ACTR8: variants seen among roughly 807,000 people sequenced by gnomAD.
ACTR8 encodes actin related protein 8.
Under a neutral mutation model 84.3 loss-of-function variants are expected in ACTR8, and 70 were observed. The observed-to-expected ratio is 0.83, with a 90% CI of 0.68 to 1.01. ACTR8 has a LOEUF of 1.01. ACTR8 is among the 50% of genes least tolerant of loss of function. ACTR8 has a pLI of 0.00. For missense variants in ACTR8, 672 were observed against 775.4 expected (o/e 0.87, Z 1.58); for synonymous variants, 268 against 275.2 (o/e 0.97, Z 0.26).
downstream of ACTR8, chr3:53,864,835 C>G (rs143902339): frequency 1.9e-6 from 3 of 1,614,002 alleles, no homozygotes; most frequent in Non-Finnish European, 2.5e-6. Flanking sequence ...ATGTTTCCAT[C>G]ACACAATTTG....
chr3:53,872,571 A>G, intron 9 of ACTR8, 47 bp from the exon 10 acceptor site: 1 of 1,507,604 alleles, frequency 6.6e-7, no homozygotes, highest in Non-Finnish European at 8.8e-7. Context: ...CTGCATCCTG[A>G]AAAAAACTGA....
intron 7 of ACTR8, among the ~76,000 whole-genome samples, chr3:53,874,890 TGTTTGCAAAATG>T: frequency 6.6e-6 from 1 of 152,216 alleles, no homozygotes; most frequent in Non-Finnish European, 1.5e-5. Context: ...GTAGTCATGA[TGTTTGCAAAATG>T]TATCTGAGAA....
downstream of ACTR8, among the ~76,000 whole-genome samples, chr3:53,865,988 T>C (rs1699768322): frequency 6.6e-6 from 1 of 152,268 alleles, no homozygotes; most frequent in Non-Finnish European, 1.5e-5. Flanking sequence ...GTCAGAGTTC[T>C]CAGTTTCTTA....
chr3:53,861,858 A>G, the ACTR8 span, among the ~76,000 whole-genome samples: 1 of 152,180 alleles, frequency 6.6e-6, no homozygotes, highest in Non-Finnish European at 1.5e-5. Context: ...AAAATGCTAC[A>G]AAGGACATTG....
At chr3:53,872,236 C>T in intron 10 of ACTR8, 148 bp downstream of exon 10, 2 of 945,738 alleles carry the variant, frequency 2.1e-6, no homozygotes, top group Admixed American at 3.0e-5. Flanking sequence ...AGATTTTAAA[C>T]TCAGACTTCA....
chr3:53,876,775 T>C lies in ACTR8; in HGVS notation c.685-62A>G, dbSNP rs914596655. On this transcript the variant is annotated intron_variant, in intron 5 of 12. Transcript: ENST00000335754. Reference sequence around the variant, plus strand: ...AAGTCTAGTCAGGTCAAATTCACACTCCTTTTTAGAGAGACTTCCCTCCAA... The same window carrying C: ...AAGTCTAGTCAGGTCAAATTCACACCCCTTTTTAGAGAGACTTCCCTCCAA... 9.5e-6 allele frequency: 8 copies of C among 846,016 alleles called. No homozygotes were observed. The Middle Eastern group carries it at 9.2e-4, about 97-fold the overall frequency. 52.4% of individuals were successfully genotyped at this position (846,016 alleles called of 1,614,324 possible). A position where few individuals can be genotyped will look rare whatever the true frequency, so the allele number is the denominator to read the frequency against.
In ACTR8 at chr3:53,868,720, C is replaced by T; in HGVS notation, c.1874G>A (p.Ter625=). Residue 625 remains the stop codon, a stop_retained_variant, in exon 13 of 13, where the codon TGA becomes TAA. Coordinates refer to ENST00000335754, the MANE Select transcript of ACTR8 (RefSeq NM_022899.5). ...MLRERAAFVW[*] is the part of the protein sequence containing the mutation. ...TCGGCAGTGACATTTCCTCCCCATT[C>T]ACCACACAAACGCAGCCCGCTCTCG... is the stretch of plus-strand genomic sequence containing the variant. The T allele has an allele frequency of 1.2e-6, 2 of 1,613,790 alleles. No individual in the cohort carries two copies. Among genetic ancestry groups the T allele is most frequent in the Non-Finnish European group, 1.7e-6 (2 of 1,179,870 alleles).
Position 53,873,091 on chromosome 3 carries a change from G to C in ACTR8, c.1102C>G (p.Arg368Gly), listed in dbSNP as rs762405003. ...AGCAGGGCAGGAGAATCAGGATGTC[G>C]AATCTGAAACTCATGGTCCTGAAGC... ...SGLQDHEFQI[R>G]HPDSPALLYQ... Residue 368 changes from arginine to glycine, a missense_variant, in exon 9 of 13, where the codon CGA becomes GGA. Coordinates refer to ENST00000335754, the MANE Select transcript of ACTR8 (RefSeq NM_022899.5). 2.5e-6 allele frequency: 4 copies of C among 1,611,382 alleles called. No individual in the cohort carries two copies. The African/African-American group carries it at 5.3e-5, about 22-fold the overall frequency.
intron 1 of ACTR8, 168 bp downstream of exon 1, chr3:53,881,811 G>C (rs1700065844): frequency 2.6e-6 from 3 of 1,140,604 alleles, no homozygotes; most frequent in African/African-American, 3.1e-5. Flanking sequence ...CCAGCCCTCG[G>C]CGTCCCGGCG....
chr3:53,881,139 G>A (rs946130415), intron 1 of ACTR8, among the ~76,000 whole-genome samples: 2 of 152,206 alleles, frequency 1.3e-5, no homozygotes, highest in African/African-American at 4.8e-5. Context: ...CGGTGTGCCA[G>A]GCACTGTCAT....
chr3:53,881,622 A>T (rs1316244094), intron 1 of ACTR8: 1 of 380,046 alleles, frequency 2.6e-6, no homozygotes, highest in Non-Finnish European at 4.9e-6. Context: ...TCTATCTGCC[A>T]CCATTTAACC....
At chr3:53,879,017 G>A (rs1700019531) in intron 2 of ACTR8, among the ~76,000 whole-genome samples, 1 of 152,154 alleles carries the variant, frequency 6.6e-6, no homozygotes, top group African/African-American at 2.4e-5. Flanking sequence ...TAATTCTTAT[G>A]TTTACAGTTT....
At position 53,877,314 on chromosome 3, in the gene ACTR8, G is replaced by A. The variant is rs1276635865; in HGVS notation, c.584C>T (p.Pro195Leu). 6.2e-7 allele frequency: 1 copy of A among 1,614,040 alleles called. No homozygotes were observed. The highest frequency in any genetic ancestry group is 8.5e-7 in the Non-Finnish European group (1 of 1,179,910). ...AGCTGTAAGAGAGCCCCCAGGGCCT[G>A]GGTGAATATTTAACTGACCTCTTCT... The part of the protein sequence containing the change: ...PIRRGQLNIH[P>L]GPGGSLTAVL... Residue 195 changes from proline to leucine, a missense_variant, in exon 5 of 13, where the codon CCA (proline) becomes CTA (leucine). Physicochemically the swap from Pro to Leu is moderately conservative, Grantham distance 98. Transcript: ENST00000335754.
intron 7 of ACTR8, among the ~76,000 whole-genome samples, chr3:53,874,883 G>C (rs1242766320): frequency 1.3e-5 from 2 of 152,216 alleles, no homozygotes; most frequent in African/African-American, 4.8e-5. Context: ...ACCTACAGTA[G>C]TCATGATGTT....
At chr3:53,877,561 A>AGTT in intron 4 of ACTR8, 86 bp downstream of exon 4, 2 of 1,428,582 alleles carry the variant, frequency 1.4e-6, no homozygotes, top group South Asian at 2.5e-5. Flanking sequence ...GCTAGGAAAC[A>AGTT]ACTAGGACTG....
the ACTR8 span, chr3:53,860,056 C>A: frequency 1.0e-6 from 1 of 997,436 alleles, no homozygotes; most frequent in Non-Finnish European, 1.6e-6. Flanking sequence ...TAAAGTATAC[C>A]AAGTCTTAGT....
Position 53,879,982 on chromosome 3 carries a change from T to C in ACTR8, c.251A>G (p.Gln84Arg). 2 of 1,614,214 alleles carry C rather than the reference T, an allele frequency of 1.2e-6. No homozygotes were observed. Among genetic ancestry groups the C allele is most frequent in the African/African-American group, 2.7e-5 (2 of 75,076 alleles). The change falls in exon 2 of 13, where the codon CAG becomes CGG. Residue 84 changes from glutamine to arginine, a missense_variant. Gln to Arg is a conservative substitution (Grantham distance 43). Coordinates refer to ENST00000335754, the MANE Select transcript of ACTR8 (RefSeq NM_022899.5). ...VIARRHKQQG[Q>R]PLYKDSWLLR... ...GAGCCAACTGTCCTTGTATAGGGGC[T>C]GCCCTTGTTGTTTGTGTCTTCGGGC...
the ACTR8 span, chr3:53,860,193 TGCTGGTG>T: frequency 1.2e-6 from 2 of 1,613,686 alleles, no homozygotes; most frequent in Non-Finnish European, 1.7e-6. Flanking sequence ...GCCACATGGG[TGCTGGTG>T]GCAGGGATCT....
Position 53,881,979 on chromosome 3 carries a change from C to CTCT in ACTR8, c.120_122dup (p.Glu41dup). The CTCT allele has an allele frequency of 6.4e-7, 1 of 1,554,940 alleles. No homozygotes were observed. Among genetic ancestry groups the CTCT allele is most frequent in the Non-Finnish European group, 8.7e-7 (1 of 1,148,434 alleles). ...AGTTCCAACCCAGCCAGAGCCGCAC[C>CTCT]TCTTGCAGCGACTCCGGCACCAGCG... On this transcript the variant is annotated inframe_insertion and splice_region_variant, in exon 1 of 13. Coordinates refer to ENST00000335754, the MANE Select transcript of ACTR8 (RefSeq NM_022899.5).
Sources: gnomAD v4.1 joint callset for allele counts (sites outside exome capture counted in the v4.1 genomes callset) on GRCh38, gnomAD v4.1.1 for gene constraint, MANE v1.5 for transcripts, NCBI Gene and HGNC (gene_info 2026-07-23, HGNC 2026-07-21) for gene names.